CAMKK2: variants seen among roughly 807,000 people sequenced by gnomAD.
CAMKK2 encodes calcium/calmodulin-dependent protein kinase kinase 2.
In CAMKK2, 30 loss-of-function variants were observed where a neutral mutation model predicts 67.2. That is an observed-to-expected ratio of 0.45 (90% CI 0.33 to 0.61). The LOEUF (loss-of-function observed/expected upper bound fraction) is 0.61. Among genes scored for constraint, CAMKK2 ranks in the 20% least tolerant of loss-of-function variants. The pLI is 0.02. For synonymous variants in CAMKK2, 322 were observed against 326.2 expected (o/e 0.99, Z 0.14); for missense variants, 643 against 802.0 (o/e 0.80, Z 2.39).
chr12:121,256,847 G>T (rs1360369242), intron 7 of CAMKK2, among the ~76,000 whole-genome samples: 2 of 152,160 alleles, frequency 1.3e-5, no homozygotes, highest in Admixed American at 6.6e-5. Context: ...TGGCTGTTGG[G>T]AAGTGCTGCA....
Position 121,274,086 on chromosome 12 carries a change from C to T in CAMKK2, c.441G>A (p.Glu147=), listed in dbSNP as rs114988844. 1.3e-6 allele frequency: 2 copies of T among 1,525,376 alleles called. No homozygotes were observed. Among genetic ancestry groups the T allele is most frequent in the East Asian group, 4.6e-5 (2 of 43,572 alleles). 94.5% of individuals were successfully genotyped at this position (1,525,376 alleles called of 1,614,324 possible). Residue 147 remains glutamate, a synonymous_variant, in exon 2 of 17, where the codon GAG becomes GAA. Coordinates refer to ENST00000404169, the MANE Select transcript of CAMKK2 (RefSeq NM_001270485.2). ...SPRLPRRPTV[E]SHHVSITGMQ... is the part of the protein sequence containing the mutation. ...TACCCGTGATGGAGACGTGGTGAGA[C>T]TCCACTGTCGGCCGCCGGGGCAGCC...
intron 1 of CAMKK2, among the ~76,000 whole-genome samples, chr12:121,289,110 C>G (rs939921609): frequency 6.6e-6 from 1 of 152,092 alleles, no homozygotes; most frequent in African/African-American, 2.4e-5. Flanking sequence ...GGTGAAGGGT[C>G]GAGCCTGCAG....
chr12:121,244,148 G>C, intron 16 of CAMKK2: 3 of 1,609,324 alleles, frequency 1.9e-6, no homozygotes, highest in Non-Finnish European at 2.5e-6. Context: ...ATCAAAGAAA[G>C]AGAAGTGGAG....
chr12:121,258,463 C>T (rs901907357), intron 7 of CAMKK2, among the ~76,000 whole-genome samples: 9 of 152,136 alleles, frequency 5.9e-5, no homozygotes, highest in African/African-American at 2.2e-4. Flanking sequence ...CTCCCAAGTG[C>T]TGGGGTTACA....
At chr12:121,247,927 T>G (rs1370866408) in intron 14 of CAMKK2, among the ~76,000 whole-genome samples, 1 of 152,086 alleles carries the variant, frequency 6.6e-6, no homozygotes, top group Non-Finnish European at 1.5e-5. Context: ...AACCTGCTGG[T>G]CTCTGTCCCC....
At chr12:121,244,281 G>A (rs1372241999) in intron 16 of CAMKK2, among the ~76,000 whole-genome samples, 2 of 152,220 alleles carry the variant, frequency 1.3e-5, no homozygotes, top group African/African-American at 4.8e-5. Flanking sequence ...GACGTGCACT[G>A]AGAAGACATG....
chr12:121,250,046 C>CAGT lies in CAMKK2; in HGVS notation c.1162-13_1162-12insACT. Reference sequence around the variant, plus strand: ...TCCATGAATGGGCACTGCAAAGAGGCCAGGGACAGAGTGGCAGTCAATGGC... The same window carrying CAGT: ...TCCATGAATGGGCACTGCAAAGAGGCAGTCAGGGACAGAGTGGCAGTCAATGGC... On this transcript the variant is annotated splice_polypyrimidine_tract_variant and intron_variant, in intron 11 of 16. Coordinates refer to ENST00000404169, the MANE Select transcript of CAMKK2 (RefSeq NM_001270485.2). The CAGT allele has an allele frequency of 6.2e-7, 1 of 1,607,972 alleles. No individual in the cohort carries two copies.
At chr12:121,247,948 C>T (rs1158214187) in intron 14 of CAMKK2, among the ~76,000 whole-genome samples, 2 of 152,152 alleles carry the variant, frequency 1.3e-5, no homozygotes, top group Non-Finnish European at 2.9e-5. Context: ...AAGCCTGCTG[C>T]CTGGAACCTG....
At chr12:121,244,088 C>T (rs750494167) in intron 16 of CAMKK2, 22 of 1,610,588 alleles carry the variant, frequency 1.4e-5, no homozygotes, top group East Asian at 6.7e-5. Context: ...GGAACTCTTA[C>T]GTTACTTTGC....
chr12:121,247,224 CCTG>C (rs1194683459), intron 14 of CAMKK2, among the ~76,000 whole-genome samples: 2 of 152,134 alleles, frequency 1.3e-5, no homozygotes, highest in African/African-American at 2.4e-5. Context: ...AGGGGCATGT[CCTG>C]TGGTCCCTCT....
At position 121,285,791 on chromosome 12, in the gene CAMKK2, G is replaced by A. The variant is rs1044918489; in HGVS notation, c.-60+10847C>T. Among the ~76,000 whole-genome samples the A allele has an allele frequency of 3.9e-5, 6 of 152,192 alleles. No homozygotes were observed. The highest frequency in any genetic ancestry group is 1.4e-4 in the African/African-American group (6 of 41,440). The stretch of plus-strand genomic sequence containing the variant: ...CATGCCACCGCACTCTAGCCTGGGT[G>A]ACAGAGCGAGACCCTGTCTCAAAAA... On this transcript the variant is annotated intron_variant, in intron 1 of 16. Coordinates refer to ENST00000404169, the MANE Select transcript of CAMKK2 (RefSeq NM_001270485.2). This position sits in a 1 kb window ranked among gnomAD's most constrained non-coding sequence, Gnocchi z 4.1.
chr12:121,268,504 T>G, intron 5 of CAMKK2, 134 bp downstream of exon 5: 1 of 827,886 alleles, frequency 1.2e-6, no homozygotes, highest in Non-Finnish European at 2.1e-6. Flanking sequence ...AAGCAATTCT[T>G]GTGCCTCAGC....
Position 121,244,501 on chromosome 12 carries a change from C to T in CAMKK2, c.1596+72G>A, listed in dbSNP as rs532660577. Reference sequence around the variant, plus strand: ...GCATCTGCCCGGGTGGGGATGCCCCCGTGCTCTGCAGCTGCCCACCCGCCC... The same window carrying T: ...GCATCTGCCCGGGTGGGGATGCCCCTGTGCTCTGCAGCTGCCCACCCGCCC... On this transcript the variant is annotated intron_variant, in intron 16 of 16. Coordinates refer to ENST00000404169, the MANE Select transcript of CAMKK2 (RefSeq NM_001270485.2). 1.5e-5 allele frequency: 21 copies of T among 1,420,836 alleles called. No homozygotes were observed. In the East Asian group the frequency reaches 4.7e-4, roughly 32 times the overall value. 88.0% of individuals were successfully genotyped at this position (1,420,836 alleles called of 1,614,324 possible).
chr12:121,243,032 G>A (rs1293633107), intron 16 of CAMKK2, among the ~76,000 whole-genome samples: 24 of 151,304 alleles, frequency 1.6e-4, no homozygotes, highest in East Asian at 7.8e-4. Context: ...GTGAGCCACC[G>A]CGCCCAGCCT....
chr12:121,290,566 T>TG (rs1263750410), intron 1 of CAMKK2, among the ~76,000 whole-genome samples: 1 of 152,096 alleles, frequency 6.6e-6, no homozygotes, highest in African/African-American at 2.4e-5. Context: ...GGCGCAGGGC[T>TG]GTAGGCCCAG....
intron 11 of CAMKK2, among the ~76,000 whole-genome samples, chr12:121,252,185 T>C (rs553960011): frequency 1.3e-5 from 2 of 152,246 alleles, no homozygotes; most frequent in Non-Finnish European, 2.9e-5. Context: ...TTCATAGATA[T>C]GATCATGACA....
chr12:121,258,971 T>C (rs1892906312), intron 7 of CAMKK2, among the ~76,000 whole-genome samples: 3 of 151,402 alleles, frequency 2.0e-5, no homozygotes, highest in Admixed American at 6.6e-5. Flanking sequence ...GCCTCCCGAG[T>C]AGCCAAGATT....
At chr12:121,249,684 C>T in intron 13 of CAMKK2, 103 bp downstream of exon 13, 2 of 954,740 alleles carry the variant, frequency 2.1e-6, no homozygotes, top group Admixed American at 1.7e-5. Flanking sequence ...AACAGCGGTG[C>T]CAAGGAGGGT....
chr12:121,250,002 T>C lies in CAMKK2; in HGVS notation c.1194A>G (p.Leu398=). 1.9e-6 allele frequency: 3 copies of C among 1,613,854 alleles called. No homozygotes were observed. The highest frequency in any genetic ancestry group is 2.5e-6 in the Non-Finnish European group (3 of 1,179,928). ...CPFMDERIMC[L]HSKIKSQALE... Reference sequence around the variant, plus strand: ...GGGCCTGACTCTTGATCTTACTGTGTAAACACATGATCCGCTCGTCCATGA... The same window carrying C: ...GGGCCTGACTCTTGATCTTACTGTGCAAACACATGATCCGCTCGTCCATGA... Residue 398 remains leucine, a synonymous_variant, in exon 12 of 17, where the codon TTA becomes TTG. Coordinates refer to ENST00000404169, the MANE Select transcript of CAMKK2 (RefSeq NM_001270485.2).
Sources: allele counts gnomAD v4.1 joint callset (sites outside exome capture counted in the v4.1 genomes callset), GRCh38; gene constraint gnomAD v4.1.1; non-coding constraint Gnocchi (gnomAD v3.1); transcripts MANE v1.5; gene names NCBI Gene and HGNC (gene_info 2026-07-23, HGNC 2026-07-21).